Variants in CLBA1 observed in about 807,000 individuals in gnomAD.
CLBA1 encodes the protein uncharacterized protein CLBA1.
In CLBA1, 30 loss-of-function variants were observed where a neutral mutation model predicts 28.8. The ratio of observed to expected loss-of-function variants is 1.04; its 90% CI spans 0.78 to 1.41. CLBA1 has a LOEUF of 1.41. CLBA1 is among the 40% of genes most tolerant of loss of function. The pLI is 0.00. For missense variants in CLBA1, 451 were observed against 412.3 expected (o/e 1.09, Z -0.81); for synonymous variants, 160 against 152.8 (o/e 1.05, Z -0.35).
intron 1 of CLBA1, among the ~76,000 whole-genome samples, chr14:104,988,457 A>G (rs1296929995): frequency 6.6e-6 from 1 of 150,860 alleles, no homozygotes; most frequent in African/African-American, 2.5e-5. Flanking sequence ...CTCCTGCCTC[A>G]GCCTCCTAAG....
At position 104,986,858 on chromosome 14, in the gene CLBA1, T is replaced by TA. The variant is rs766182966; in HGVS notation, c.423+4_423+5insA. The TA allele has an allele frequency of 8.1e-6, 13 of 1,612,352 alleles. No individual in the cohort carries two copies. In the Admixed American group the frequency reaches 2.2e-4, roughly 27 times the overall value. On this transcript the variant is annotated splice_donor_region_variant and intron_variant, in intron 1 of 4. Transcript: ENST00000547315. ...TTCTGCCGTCCCACCTTCTGAGGTA[T>TA]TTCTGCTGTGCTGTGGTCACCATGT...
At chr14:104,997,866 A>C (rs532882560), downstream of CLBA1, among the ~76,000 whole-genome samples, 17 of 152,114 alleles carry the variant, frequency 1.1e-4, no homozygotes, top group South Asian at 2.9e-3. Flanking sequence ...AAAATTAGCC[A>C]GGCGTGGTGG....
downstream of CLBA1, among the ~76,000 whole-genome samples, chr14:104,997,001 T>C (rs1400273964): frequency 6.6e-6 from 1 of 152,122 alleles, no homozygotes. Context: ...CAGTAAGACA[T>C]TACAAGACAC....
chr14:104,999,581 C>T (rs895009755), downstream of CLBA1: 4 of 152,280 alleles, frequency 2.6e-5, no homozygotes, highest in African/African-American at 9.6e-5. Context: ...CAGCAAGAAC[C>T]ACCCGGCTGA....
rs747469736 is a variant in CLBA1, at chr14:104,994,715, C to G, written c.934C>G (p.Pro312Ala). 6.2e-7 allele frequency: 1 copy of G among 1,613,650 alleles called. No homozygotes were observed. The highest frequency in any genetic ancestry group is 1.1e-5 in the South Asian group (1 of 91,066). ...TATTCCAAGGAAAAGGATGTTCACT[C>G]CACGCAAGCTCAAACTGACACTCTT... ...ITIPRKRMFT[P>A]RKLKLTLFNS... The change falls in exon 5 of 5, where the codon CCA becomes GCA. Residue 312 changes from proline to alanine, a missense_variant. Transcript: ENST00000547315.
downstream of CLBA1, among the ~76,000 whole-genome samples, chr14:104,996,738 G>A (rs543937932): frequency 2.6e-5 from 4 of 152,350 alleles, no homozygotes; most frequent in African/African-American, 4.8e-5. Flanking sequence ...GCTTGGCTGC[G>A]ACACACAGGC....
intron 1 of CLBA1, among the ~76,000 whole-genome samples, chr14:104,988,000 C>G (rs1298686431): frequency 6.6e-6 from 1 of 152,058 alleles, no homozygotes; most frequent in African/African-American, 2.4e-5. Flanking sequence ...AGAGTAAGGT[C>G]TGCTGTAATG....
chr14:104,988,144 A>C (rs953725286), intron 1 of CLBA1, among the ~76,000 whole-genome samples: 1 of 152,068 alleles, frequency 6.6e-6, no homozygotes, highest in African/African-American at 2.4e-5. Flanking sequence ...GCCCGTTGGA[A>C]TACATGAGAC....
Position 104,994,669 on chromosome 14 carries a change from C to G in CLBA1, c.888C>G (p.Cys296Trp). The G allele has an allele frequency of 6.2e-7, 1 of 1,613,992 alleles. No individual in the cohort carries two copies. The highest frequency in any genetic ancestry group is 8.5e-7 in the Non-Finnish European group (1 of 1,179,988). ...GCCGCTTCCTGAAGACCCCCTCATG[C>G]GGAGGTGGCCAGCACATCACTATTC... ...TCSRFLKTPSCGGGQHITIPR... is the reference protein window; with the variant it reads ...TCSRFLKTPSWGGGQHITIPR... Residue 296 changes from cysteine to tryptophan, a missense_variant, in exon 5 of 5, where the codon TGC becomes TGG. Transcript: ENST00000547315.
downstream of CLBA1, among the ~76,000 whole-genome samples, chr14:104,999,708 T>A (rs919608098): frequency 1.3e-5 from 2 of 152,210 alleles, no homozygotes; most frequent in Non-Finnish European, 2.9e-5. Flanking sequence ...CATGTCCAGA[T>A]AACCAGTGGG....
At chr14:104,999,045 T>C (rs991222409), downstream of CLBA1, among the ~76,000 whole-genome samples, 6 of 152,208 alleles carry the variant, frequency 3.9e-5, no homozygotes, top group Non-Finnish European at 8.8e-5. Context: ...AGATGGACAC[T>C]CTATCCAGGG....
intron 1 of CLBA1, 35 bp downstream of exon 1, chr14:104,986,889 G>A (rs1362980536): frequency 1.2e-6 from 2 of 1,603,098 alleles, no homozygotes; most frequent in Non-Finnish European, 1.7e-6. Context: ...CATGTTGAGT[G>A]GGACGTGTAC....
chr14:104,989,279 C>T (rs1899953332), intron 2 of CLBA1, 191 bp downstream of exon 2: 2 of 585,050 alleles, frequency 3.4e-6, no homozygotes, highest in Admixed American at 6.1e-5. Flanking sequence ...GCCTTCCACT[C>T]TGAGCCCTAT....
At chr14:104,994,407 TGAG>T in intron 4 of CLBA1, 188 bp from the exon 5 acceptor site, 1 of 985,418 alleles carries the variant, frequency 1.0e-6, no homozygotes, top group Non-Finnish European at 1.2e-6. Flanking sequence ...GACTGCACCA[TGAG>T]GAAGCCCCAG....
intron 3 of CLBA1, among the ~76,000 whole-genome samples, chr14:104,992,280 C>CGGCA (rs1172946242): frequency 3.3e-5 from 5 of 152,236 alleles, no homozygotes; most frequent in African/African-American, 1.2e-4. Context: ...GCCACTGCCA[C>CGGCA]GCACAGACTG....
chr14:104,992,005 C>G (rs1334572736), intron 3 of CLBA1, among the ~76,000 whole-genome samples: 5 of 148,868 alleles, frequency 3.4e-5, no homozygotes, highest in Non-Finnish European at 7.5e-5. Context: ...GCACACACCT[C>G]ACGCCACCAC....
rs1167866376 is a variant in CLBA1, at chr14:104,985,805, A to C, written c.-627A>C. The stretch of plus-strand genomic sequence containing the variant: ...CCGTTGCCAGGCAACGGGGCGGCGC[A>C]GGCAGGAGGGAACGGCTGGTTGCAG... On this transcript the variant is annotated 5_prime_UTR_variant, in exon 1 of 5. Coordinates refer to ENST00000547315, the MANE Select transcript of CLBA1 (RefSeq NM_174891.4). The C allele has an allele frequency of 6.8e-6, 2 of 293,866 alleles. No homozygotes were observed. The highest frequency in any genetic ancestry group is 3.4e-4 in the East Asian group (2 of 5,866). 18.2% of individuals were successfully genotyped at this position (293,866 alleles called of 1,614,324 possible). A position where few individuals can be genotyped will look rare whatever the true frequency, so the allele number is the denominator to read the frequency against.
At chr14:105,000,654 A>G (rs1299923833) in intron 2 of CLBA1, among the ~76,000 whole-genome samples, 1 of 152,136 alleles carries the variant, frequency 6.6e-6, no homozygotes, top group African/African-American at 2.4e-5. Flanking sequence ...ATACAAAACC[A>G]ATGCTCCATA....
chr14:104,987,788 T>C (rs1899908792), intron 1 of CLBA1, among the ~76,000 whole-genome samples: 1 of 125,570 alleles, frequency 8.0e-6, no homozygotes, highest in Non-Finnish European at 1.6e-5. Context: ...CGGCTAACTT[T>C]TTATATATAT....
Sources: gnomAD v4.1 joint callset for allele counts (sites outside exome capture counted in the v4.1 genomes callset) on GRCh38, gnomAD v4.1.1 for gene constraint, MANE v1.5 for transcripts, NCBI Gene and HGNC (gene_info 2026-07-23, HGNC 2026-07-21) for gene names.